PTPRK: variants seen among roughly 807,000 people sequenced by gnomAD.
The protein encoded by PTPRK is receptor-type tyrosine-protein phosphatase kappa.
In PTPRK, 75 loss-of-function variants were observed where a neutral mutation model predicts 178.0. The ratio of observed to expected loss-of-function variants is 0.42; its 90% CI spans 0.35 to 0.51. The LOEUF (loss-of-function observed/expected upper bound fraction) is 0.51. Among genes scored for constraint, PTPRK ranks in the 20% least tolerant of loss-of-function variants. The probability of loss-of-function intolerance (pLI) is 0.02; values close to 1 mark genes in which losing one functional copy is unlikely to be tolerated. For synonymous variants in PTPRK, 637 were observed against 620.6 expected (o/e 1.03, Z -0.39); for missense variants, 1,441 against 1,797.8 (o/e 0.80, Z 3.59).
At chr6:128,502,686 T>C (rs1855735362) in intron 1 of PTPRK, among the ~76,000 whole-genome samples, 1 of 152,210 alleles carries the variant, frequency 6.6e-6, no homozygotes, top group Admixed American at 6.5e-5. Flanking sequence ...TTAAATTATA[T>C]AAACTTACAG....
At chr6:128,054,797 A>G (rs928583763) in intron 13 of PTPRK, among the ~76,000 whole-genome samples, 1 of 152,238 alleles carries the variant, frequency 6.6e-6, no homozygotes, top group African/African-American at 2.4e-5. Flanking sequence ...GAGAGCCTTG[A>G]CCATGGAGAA....
At chr6:128,247,069 C>T (rs1270464123) in intron 3 of PTPRK, among the ~76,000 whole-genome samples, 1 of 152,130 alleles carries the variant, frequency 6.6e-6, no homozygotes, top group Non-Finnish European at 1.5e-5. Flanking sequence ...ACGTGTAACC[C>T]AAGCAAGTTA....
At chr6:128,497,071 T>C (rs1020695060) in intron 1 of PTPRK, among the ~76,000 whole-genome samples, 2 of 152,226 alleles carry the variant, frequency 1.3e-5, no homozygotes, top group African/African-American at 2.4e-5. Context: ...CACAATAGTA[T>C]GTGATTAATC....
intron 7 of PTPRK, among the ~76,000 whole-genome samples, chr6:128,120,949 C>T (rs1247083597): frequency 6.6e-6 from 1 of 151,460 alleles, no homozygotes; most frequent in African/African-American, 2.4e-5. Context: ...CCTTTTTTTC[C>T]TTCAGAATTG....
In PTPRK at chr6:128,368,449, G is replaced by A. The variant is rs554639700; in HGVS notation, c.223+29117C>T. Among the ~76,000 whole-genome samples the A allele has an allele frequency of 4.6e-5, 7 of 150,842 alleles. No homozygotes were observed. The South Asian group carries it at 6.3e-4, about 14-fold the overall frequency. On this transcript the variant is annotated intron_variant, in intron 2 of 29. Coordinates refer to ENST00000368226, the MANE Select transcript of PTPRK (RefSeq NM_002844.4). Reference sequence around the variant, plus strand: ...TGACGAGGCCAATGACCAAGATCCTGCTTTTACTGGTTGCTTCCTCTGACT... The same window carrying A: ...TGACGAGGCCAATGACCAAGATCCTACTTTTACTGGTTGCTTCCTCTGACT...
intron 1 of PTPRK, among the ~76,000 whole-genome samples, chr6:128,499,967 C>T (rs1351552970): frequency 6.6e-6 from 1 of 152,108 alleles, no homozygotes; most frequent in African/African-American, 2.4e-5. Flanking sequence ...AATGCTAGGA[C>T]CAGTAAACAC....
intron 7 of PTPRK, among the ~76,000 whole-genome samples, chr6:128,129,803 C>T (rs1205877264): frequency 6.6e-6 from 1 of 152,128 alleles, no homozygotes; most frequent in Non-Finnish European, 1.5e-5. Context: ...TGTCCCTACT[C>T]CCATTTTGTA....
chr6:128,165,515 CA>C (rs1799274244), intron 7 of PTPRK, among the ~76,000 whole-genome samples: 1 of 151,124 alleles, frequency 6.6e-6, no homozygotes, highest in Non-Finnish European at 1.5e-5. Context: ...GGTAAGCCTG[CA>C]TCCCTGGATT....
chr6:128,431,899 T>C (rs1376670743), intron 1 of PTPRK, among the ~76,000 whole-genome samples: 1 of 152,184 alleles, frequency 6.6e-6, no homozygotes, highest in African/African-American at 2.4e-5. Flanking sequence ...AAATATACTG[T>C]TCTCCACCTC....
At chr6:127,986,782 T>C (rs1776029646) in intron 21 of PTPRK, among the ~76,000 whole-genome samples, 1 of 152,202 alleles carries the variant, frequency 6.6e-6, no homozygotes, top group South Asian at 2.1e-4. Context: ...ACACATTACA[T>C]GAAATAAACA....
At chr6:128,510,567 C>T (rs62425742) in intron 1 of PTPRK, among the ~76,000 whole-genome samples, 17,182 of 152,166 alleles carry the variant, frequency 0.11, 1,096 homozygotes, top group Non-Finnish European at 0.15. Context: ...TCATTTACCA[C>T]AGCTTACTTT....
intron 13 of PTPRK, 98 bp downstream of exon 13, chr6:128,064,660 G>T: frequency 6.9e-7 from 1 of 1,449,080 alleles, no homozygotes. Context: ...AACTATAACA[G>T]AAATGTCATA....
intron 1 of PTPRK, among the ~76,000 whole-genome samples, chr6:128,421,562 A>C (rs1304661908): frequency 6.6e-6 from 1 of 152,222 alleles, no homozygotes; most frequent in Non-Finnish European, 1.5e-5. Context: ...AAATCATTCA[A>C]GACGACTCTT....
intron 13 of PTPRK, among the ~76,000 whole-genome samples, chr6:128,037,018 C>T (rs1267624448): frequency 2.6e-5 from 4 of 152,050 alleles, no homozygotes; most frequent in African/African-American, 4.8e-5. Context: ...AGCCACAAGC[C>T]GCCGCTCCCC....
chr6:128,369,509 C>A (rs1171933522), intron 2 of PTPRK, among the ~76,000 whole-genome samples: 1 of 151,958 alleles, frequency 6.6e-6, no homozygotes, highest in Non-Finnish European at 1.5e-5. Context: ...ACTGACTATT[C>A]TTTATTCTTA....
In PTPRK at chr6:128,005,165, T is replaced by G; in HGVS notation, c.2413A>C (p.Ser805Arg). Reference protein sequence around the residue: ...MTHMVNAMDRSYADQSTLHAE... With the variant: ...MTHMVNAMDRRYADQSTLHAE... ...TGCAGAGTGCTCTGATCAGCATAAC[T>G]TCGATCCATTGCATTCACCATGTGA... Residue 805 changes from serine to arginine, a missense_variant, in exon 15 of 30, where the codon AGT (serine) becomes CGT (arginine). Ser to Arg is a moderately radical substitution (Grantham distance 110). Coordinates refer to ENST00000368226, the MANE Select transcript of PTPRK (RefSeq NM_002844.4). The G allele has an allele frequency of 6.2e-7, 1 of 1,611,690 alleles. No homozygotes were observed. Among genetic ancestry groups the G allele is most frequent in the Non-Finnish European group, 8.5e-7 (1 of 1,178,666 alleles).
chr6:128,329,621 G>C (rs1490134060), intron 2 of PTPRK, among the ~76,000 whole-genome samples: 1 of 152,148 alleles, frequency 6.6e-6, no homozygotes, highest in Non-Finnish European at 1.5e-5. Flanking sequence ...CCAAAGGCAG[G>C]AGACTGATGT....
intron 1 of PTPRK, among the ~76,000 whole-genome samples, chr6:128,470,422 T>C (rs1466114229): frequency 6.6e-6 from 1 of 152,046 alleles, no homozygotes; most frequent in Non-Finnish European, 1.5e-5. Flanking sequence ...TAAACAAAAG[T>C]AGTCATGTTA....
intron 1 of PTPRK, among the ~76,000 whole-genome samples, chr6:128,449,450 C>G (rs973047113): frequency 2.6e-5 from 4 of 152,180 alleles, no homozygotes; most frequent in Admixed American, 2.6e-4. Flanking sequence ...TAGAAGGACA[C>G]TTTTTTCCAG....
Sources: allele counts gnomAD v4.1 joint callset (sites outside exome capture counted in the v4.1 genomes callset), GRCh38; gene constraint gnomAD v4.1.1; transcripts MANE v1.5; gene names NCBI Gene and HGNC (gene_info 2026-07-23, HGNC 2026-07-21).